The following HERC2 variants were observed in gnomAD, a reference collection of about 807,000 sequenced individuals.
HERC2 encodes the protein E3 ubiquitin-protein ligase HERC2.
Under a neutral mutation model 537.7 loss-of-function variants are expected in HERC2, and 102 were observed. The ratio of observed to expected loss-of-function variants is 0.19; its 90% confidence interval spans 0.16 to 0.22. The LOEUF is 0.22. HERC2 is among the 10% of genes least tolerant of loss of function. The pLI, the probability that HERC2 is intolerant of heterozygous loss-of-function variation, is 1.00. For missense variants in HERC2, 4,236 were observed against 6,198.2 expected (o/e 0.68, Z 10.63); for synonymous variants, 2,224 against 2,466.2 (o/e 0.90, Z 2.91).
intron 3 of HERC2, among the ~76,000 whole-genome samples, chr15:28,299,053 C>A (rs2076549649): frequency 6.6e-6 from 1 of 152,128 alleles, no homozygotes; most frequent in South Asian, 2.1e-4. Context: ...TTATGAACAA[C>A]ATAATGATAG....
intron 57 of HERC2, among the ~76,000 whole-genome samples, chr15:28,181,930 G>A (rs1006429763): frequency 1.3e-5 from 2 of 152,124 alleles, no homozygotes; most frequent in African/African-American, 2.4e-5. Context: ...GTGTGTATGC[G>A]CACACATGTG....
In HERC2 at chr15:28,215,771, T is replaced by C; in HGVS notation, c.6060A>G (p.Gln2020=). The C allele has an allele frequency of 6.2e-7, 1 of 1,611,786 alleles. No individual in the cohort carries two copies. The highest frequency in any genetic ancestry group is 1.1e-5 in the South Asian group (1 of 90,968). ...SSPNRLVYRE[Q]HRSWCTLGFV... is the part of the protein sequence containing the mutation. ...ACCCCAGCGTGCACCAGCTCCGGTG[T>C]TGCTCCCTGTACACCAGCCTGTTTG... is the stretch of plus-strand genomic sequence containing the variant. Residue 2020 remains glutamine, a synonymous_variant, in exon 39 of 93, where the codon CAA becomes CAG. Coordinates refer to ENST00000261609, the MANE Select transcript of HERC2 (RefSeq NM_004667.6).
In HERC2 at chr15:28,268,861, T is replaced by C. The variant is rs1301176667; in HGVS notation, c.1447-245A>G. ...GCAGGGGCAGGGCAGGCTAGCCCCATGCCACAGAGACACGCAGCCGACAGG... is the reference window on the plus strand; with the variant it reads ...GCAGGGGCAGGGCAGGCTAGCCCCACGCCACAGAGACACGCAGCCGACAGG... On this transcript the variant is annotated intron_variant, in intron 11 of 92. Transcript: ENST00000261609. The surrounding 1 kb of genome is among the most constrained non-coding windows in gnomAD (Gnocchi z 4.7). Among the ~76,000 whole-genome samples the C allele has an allele frequency of 3.3e-5, 5 of 152,116 alleles. No individual in the cohort carries two copies. Among genetic ancestry groups the C allele is most frequent in the Non-Finnish European group, 7.4e-5 (5 of 68,010 alleles).
rs781114289 is a variant in HERC2, at chr15:28,213,867, C to A, written c.6661G>T (p.Gly2221Cys). ...CCAAACTCATCGTGCATAACTTGAC[C>A]GCCCAGGCGCAGGCGACCATCGATG... ...GGIDGRLRLGGQVMHDEFGEG... is the reference protein window; with the variant it reads ...GGIDGRLRLGCQVMHDEFGEG... Residue 2221 changes from glycine (G) to cysteine (C), a missense_variant, in exon 42 of 93, where the codon GGT (glycine) becomes TGT (cysteine). Coordinates refer to ENST00000261609, the MANE Select transcript of HERC2 (RefSeq NM_004667.6). The A allele has an allele frequency of 6.2e-7, 1 of 1,613,928 alleles. No individual in the cohort carries two copies. The highest frequency in any genetic ancestry group is 8.5e-7 in the Non-Finnish European group (1 of 1,179,942).
At chr15:28,293,362 G>A (rs527384826) in intron 3 of HERC2, among the ~76,000 whole-genome samples, 9 of 151,858 alleles carry the variant, frequency 5.9e-5, no homozygotes, top group East Asian at 5.8e-4. Flanking sequence ...CCGTGGTGGC[G>A]GGCGCCTGTA....
At chr15:28,273,953 C>G (rs1164111324) in intron 7 of HERC2, among the ~76,000 whole-genome samples, 2 of 152,144 alleles carry the variant, frequency 1.3e-5, no homozygotes, top group Non-Finnish European at 1.5e-5. Context: ...TCAAACCAAG[C>G]ACCACTCCGC....
rs1442407875 is a variant in HERC2 at position 28,314,712 on chromosome 15, T to C, written c.72+6650A>G. The stretch of plus-strand genomic sequence containing the variant: ...TCTACTAAAAATACAAAAAAAAAAA[T>C]TAGCCAGGAATGATGGTACACGCCT... On this transcript the variant is annotated intron_variant, in intron 2 of 92. Transcript: ENST00000261609. 4.2e-4 allele frequency among the ~76,000 whole-genome samples: 64 copies of C among 150,992 alleles called. No homozygotes were observed. In the East Asian group the frequency reaches 8.0e-3, roughly 19 times the overall value.
rs1901602900 is a variant in HERC2 at position 28,229,483 on chromosome 15, A to T, written c.5097T>A (p.Leu1699=). 1 of 1,613,862 alleles carries T rather than the reference A, an allele frequency of 6.2e-7. No individual in the cohort carries two copies. The highest frequency in any genetic ancestry group is 2.2e-5 in the East Asian group (1 of 44,886). The change falls in exon 33 of 93, where the codon CTT becomes CTA. Residue 1699 remains leucine (L), a synonymous_variant. Transcript: ENST00000261609. Reference sequence around the variant, plus strand: ...ACCCTATATCGATTCCCTCAGGAATAAGTCTTTGCCATCCACAAAACATCG... The same window carrying T: ...ACCCTATATCGATTCCCTCAGGAATTAGTCTTTGCCATCCACAAAACATCG... ...QYAMFCGWQR[L]IPEGIDIGEP... is the part of the protein sequence containing the mutation.
At chr15:28,249,290 C>T (rs1904034853) in intron 20 of HERC2, among the ~76,000 whole-genome samples, 1 of 152,194 alleles carries the variant, frequency 6.6e-6, no homozygotes, top group Admixed American at 6.5e-5. Flanking sequence ...GGCCATGCAG[C>T]AGGTGCCGAG....
At chr15:28,263,300 G>T in intron 14 of HERC2, 131 bp from the exon 15 acceptor site, 1 of 966,518 alleles carries the variant, frequency 1.0e-6, no homozygotes, top group South Asian at 1.8e-5. Context: ...ACACTACAAG[G>T]GTGGCTACTG....
rs1166329400 is a variant in HERC2, at chr15:28,254,795, C to A, written c.2872-277G>T. On this transcript the variant is annotated intron_variant, in intron 19 of 92. Coordinates refer to ENST00000261609, the MANE Select transcript of HERC2 (RefSeq NM_004667.6). ...GTCCCTAAAATCCTTAACCCTGCTACTGGCTCTCACAAAACCCAATGTGAT... is the reference window on the plus strand; with the variant it reads ...GTCCCTAAAATCCTTAACCCTGCTAATGGCTCTCACAAAACCCAATGTGAT... 3.3e-5 allele frequency among the ~76,000 whole-genome samples: 5 copies of A among 152,266 alleles called. No individual in the cohort carries two copies. In the East Asian group the frequency reaches 5.8e-4, roughly 18 times the overall value.
intron 79 of HERC2, 66 bp downstream of exon 79, chr15:28,135,412 T>C: frequency 8.0e-7 from 1 of 1,245,290 alleles, no homozygotes; most frequent in Non-Finnish European, 1.2e-6. Flanking sequence ...CAATAGATTG[T>C]AGCAGCATTA....
At chr15:28,305,268 C>T (rs1427684353) in intron 2 of HERC2, among the ~76,000 whole-genome samples, 2 of 151,906 alleles carry the variant, frequency 1.3e-5, no homozygotes, top group Non-Finnish European at 2.9e-5. Context: ...ATTTCTAGTT[C>T]TAGATCCCTG....
Position 28,274,271 on chromosome 15 carries a change from C to T in HERC2, c.800+20G>A. 3 of 1,613,172 alleles carry T rather than the reference C, an allele frequency of 1.9e-6. No homozygotes were observed. Among genetic ancestry groups the T allele is most frequent in the Non-Finnish European group, 1.7e-6 (2 of 1,179,346 alleles). Reference sequence around the variant, plus strand: ...AGGCCAGCTGTCTGCGTGCAGAAGGCAAGAAAGGAAAGAACTCACCCCGTC... The same window carrying T: ...AGGCCAGCTGTCTGCGTGCAGAAGGTAAGAAAGGAAAGAACTCACCCCGTC... On this transcript the variant is annotated intron_variant, in intron 7 of 92. Coordinates refer to ENST00000261609, the MANE Select transcript of HERC2 (RefSeq NM_004667.6).
At position 28,259,216 on chromosome 15, in the gene HERC2, T is replaced by C. The variant is rs184091739; in HGVS notation, c.2316+1561A>G. Reference sequence around the variant, plus strand: ...TTCAAGCGATTCTCCTGCCTTAGCCTCCTGAGTAGCTGGGATTACAGGCGC... The same window carrying C: ...TTCAAGCGATTCTCCTGCCTTAGCCCCCTGAGTAGCTGGGATTACAGGCGC... On this transcript the variant is annotated intron_variant, in intron 16 of 92. Coordinates refer to ENST00000261609, the MANE Select transcript of HERC2 (RefSeq NM_004667.6). Among the ~76,000 whole-genome samples, 468 of 152,282 alleles carry C rather than the reference T, an allele frequency of 3.1e-3. 1 individual carries two copies. The highest frequency in any genetic ancestry group is 6.7e-3 in the Admixed American group (103 of 15,300).
At chr15:28,305,210 T>C (rs574046292) in intron 2 of HERC2, among the ~76,000 whole-genome samples, 4,838 of 149,646 alleles carry the variant, frequency 0.032, 141 homozygotes, top group African/African-American at 0.12. Flanking sequence ...GCATGATTTA[T>C]AGTCATTTGG....
intron 7 of HERC2, 126 bp downstream of exon 7, chr15:28,274,165 C>G: frequency 1.2e-6 from 1 of 837,926 alleles, no homozygotes; most frequent in Non-Finnish European, 1.9e-6. Context: ...ACAGCACTGA[C>G]AGCCCGCTGA....
rs954068878 is a variant in HERC2 at position 28,173,301 on chromosome 15, C to CAAA, written c.10057+1093_10057+1094insTTT. ...CCATTAGCAATTTCACTTGTATAGT[C>CAAA]AACTGGAAACAGCCCAAACATTCAT... On this transcript the variant is annotated intron_variant, in intron 65 of 92. Transcript: ENST00000261609. 3.4e-3 allele frequency among the ~76,000 whole-genome samples: 514 copies of CAAA among 152,242 alleles called. 3 individuals are homozygous for CAAA. The highest frequency in any genetic ancestry group is 0.012 in the African/African-American group (483 of 41,532).
chr15:28,308,117 G>A (rs2076842490), intron 2 of HERC2, among the ~76,000 whole-genome samples: 1 of 151,988 alleles, frequency 6.6e-6, no homozygotes, highest in African/African-American at 2.4e-5. Context: ...GCTAGGGATT[G>A]CACTGAATCG....
Sources: gnomAD v4.1 joint callset for allele counts (sites outside exome capture counted in the v4.1 genomes callset) on GRCh38, gnomAD v4.1.1 for gene constraint, Gnocchi (gnomAD v3.1) non-coding constraint, MANE v1.5 for transcripts, NCBI Gene and HGNC (gene_info 2026-07-23, HGNC 2026-07-21) for gene names.